PACRG: variants seen among roughly 807,000 people sequenced by gnomAD.
The protein encoded by PACRG is parkin coregulated.
PACRG carries 29 observed loss-of-function variants against 29.7 expected under a neutral mutation model. The observed-to-expected ratio is 0.98, with a 90% CI of 0.73 to 1.33. The LOEUF (loss-of-function observed/expected upper bound fraction) is 1.33, where lower values mean the gene tolerates loss of function less well. Ranked by LOEUF, PACRG falls within the 40% of genes most tolerant of loss-of-function variation. PACRG has a pLI of 0.00. For missense variants in PACRG, 279 were observed against 316.2 expected (o/e 0.88, Z 0.89); for synonymous variants, 116 against 118.7 (o/e 0.98, Z 0.15).
intron 2 of PACRG, among the ~76,000 whole-genome samples, chr6:162,821,830 C>T (rs1169533540): frequency 6.6e-6 from 1 of 152,182 alleles, no homozygotes; most frequent in Non-Finnish European, 1.5e-5. Context: ...TCACACGTCT[C>T]TTCTCTTTAC....
At chr6:163,136,472 CA>C (rs1816940969) in intron 4 of PACRG, among the ~76,000 whole-genome samples, 1 of 152,068 alleles carries the variant, frequency 6.6e-6, no homozygotes, top group Non-Finnish European at 1.5e-5. Flanking sequence ...GGGAAATTTC[CA>C]CGTTTAAGAG....
intron 2 of PACRG, among the ~76,000 whole-genome samples, chr6:162,828,923 T>C (rs1017008264): frequency 1.3e-5 from 2 of 152,230 alleles, no homozygotes; most frequent in African/African-American, 4.8e-5. Context: ...TAACAAATTA[T>C]ATTTTAATTA....
intron 2 of PACRG, among the ~76,000 whole-genome samples, chr6:162,887,395 C>G (rs1238406471): frequency 6.6e-6 from 1 of 152,168 alleles, no homozygotes. Flanking sequence ...AGGGTGACTT[C>G]CAATGTATTC....
At chr6:162,793,970 A>G (rs1435986168) in intron 1 of PACRG, among the ~76,000 whole-genome samples, 3 of 152,226 alleles carry the variant, frequency 2.0e-5, no homozygotes, top group African/African-American at 7.2e-5. Context: ...ACAAACCTGC[A>G]CATGTACCCT....
chr6:162,980,518 T>C (rs886489158), intron 2 of PACRG, among the ~76,000 whole-genome samples: 1 of 152,170 alleles, frequency 6.6e-6, no homozygotes, highest in Non-Finnish European at 1.5e-5. Flanking sequence ...AATAATACTC[T>C]TGTTTTTGGC....
chr6:162,814,809 G>A (rs1787191798), intron 2 of PACRG, among the ~76,000 whole-genome samples: 1 of 152,174 alleles, frequency 6.6e-6, no homozygotes, highest in Admixed American at 6.5e-5. Context: ...TGTCACACGT[G>A]CCCTGTTAGA....
Position 163,094,528 on chromosome 6 carries a change from G to T in PACRG, c.613+5120G>T, listed in dbSNP as rs568070464. Reference sequence around the variant, plus strand: ...GGGATTATAAAGTTGGAAGATCCGTGTAGGGGTCCTTTGGTCTAAGAGTAT... The same window carrying T: ...GGGATTATAAAGTTGGAAGATCCGTTTAGGGGTCCTTTGGTCTAAGAGTAT... On this transcript the variant is annotated intron_variant, in intron 4 of 4. Coordinates refer to ENST00000366888, the MANE Select transcript of PACRG (RefSeq NM_001080379.2). Among the ~76,000 whole-genome samples, 3 of 152,326 alleles carry T rather than the reference G, an allele frequency of 2.0e-5. No individual in the cohort carries two copies. In the East Asian group the frequency reaches 5.8e-4, roughly 29 times the overall value.
chr6:162,729,305 G>GTA (rs1779557111), intron 1 of PACRG, among the ~76,000 whole-genome samples: 3 of 152,200 alleles, frequency 2.0e-5, no homozygotes, highest in Admixed American at 6.5e-5. Flanking sequence ...GTTATTACAT[G>GTA]GCAATTCATT....
intron 4 of PACRG, among the ~76,000 whole-genome samples, chr6:163,093,492 A>G (rs905921689): frequency 2.0e-5 from 3 of 152,234 alleles, no homozygotes; most frequent in Non-Finnish European, 4.4e-5. Context: ...GAAACTACCA[A>G]ATTAATGATG....
chr6:162,897,272 C>T (rs1795241027), intron 2 of PACRG, among the ~76,000 whole-genome samples: 1 of 152,216 alleles, frequency 6.6e-6, no homozygotes, highest in Non-Finnish European at 1.5e-5. Flanking sequence ...AAATTTAGAT[C>T]AACTATGCTG....
chr6:162,886,249 C>T (rs1490957259), intron 2 of PACRG, among the ~76,000 whole-genome samples: 2 of 152,080 alleles, frequency 1.3e-5, no homozygotes, highest in Non-Finnish European at 1.5e-5. Flanking sequence ...AACTTCTCTT[C>T]CTGGACAAGT....
intron 4 of PACRG, among the ~76,000 whole-genome samples, chr6:163,154,079 C>T (rs1778215496): frequency 6.6e-6 from 1 of 152,186 alleles, no homozygotes; most frequent in Admixed American, 6.5e-5. Flanking sequence ...CTCCTTTCCC[C>T]AGGAGGGATG....
chr6:163,269,793 A>AAAGG (rs1261086367), intron 4 of PACRG, among the ~76,000 whole-genome samples: 1,658 of 81,534 alleles, frequency 0.02, 213 homozygotes, highest in East Asian at 0.027. Context: ...AGAAAGAAAG[A>AAAGG]AAGGAAGGAA....
chr6:163,118,249 G>A (rs573063720), intron 4 of PACRG, among the ~76,000 whole-genome samples: 3 of 152,310 alleles, frequency 2.0e-5, no homozygotes, highest in African/African-American at 7.2e-5. Context: ...ATTTTCGGAT[G>A]AACGGGTTTA....
intron 4 of PACRG, among the ~76,000 whole-genome samples, chr6:163,245,656 G>A (rs948829922): frequency 4.6e-5 from 7 of 152,112 alleles, no homozygotes; most frequent in African/African-American, 1.7e-4. Flanking sequence ...TGCACTGATG[G>A]TTCCCTCATT....
intron 2 of PACRG, among the ~76,000 whole-genome samples, chr6:163,025,733 C>G (rs904165692): frequency 1.3e-5 from 2 of 152,216 alleles, no homozygotes; most frequent in East Asian, 3.8e-4. Context: ...TGCTGAGGGG[C>G]TGTGGTTCCC....
chr6:163,050,034 T>G (rs892159000), intron 2 of PACRG, among the ~76,000 whole-genome samples: 4 of 152,242 alleles, frequency 2.6e-5, no homozygotes, highest in Middle Eastern at 3.4e-3. Flanking sequence ...AATTCAGAAC[T>G]GAAGGACATT....
intron 4 of PACRG, among the ~76,000 whole-genome samples, chr6:163,238,773 G>C (rs1342985998): frequency 1.3e-5 from 2 of 152,200 alleles, no homozygotes; most frequent in Admixed American, 1.3e-4. Context: ...TTGTAGAATA[G>C]AATGTTTAGA....
intron 2 of PACRG, among the ~76,000 whole-genome samples, chr6:162,899,412 T>C (rs145052343): frequency 9.2e-4 from 140 of 152,248 alleles, no homozygotes; most frequent in African/African-American, 3.1e-3. Flanking sequence ...AGGATCTGTG[T>C]GGCTACCGCT....
Sources: allele counts gnomAD v4.1 joint callset (sites outside exome capture counted in the v4.1 genomes callset), GRCh38; gene constraint gnomAD v4.1.1; transcripts MANE v1.5; gene names NCBI Gene and HGNC (gene_info 2026-07-23, HGNC 2026-07-21).